TEX2: variants seen among roughly 807,000 people sequenced by gnomAD.
TEX2 encodes the protein testis-expressed protein 2.
In TEX2, 53 loss-of-function variants were observed where a neutral mutation model predicts 106.9. The observed-to-expected ratio is 0.50, with a 90% CI of 0.40 to 0.62. The LOEUF (loss-of-function observed/expected upper bound fraction) is 0.62, where lower values mean the gene tolerates loss of function less well. Among genes scored for constraint, TEX2 ranks in the 20% least tolerant of loss-of-function variants. The pLI, the probability that TEX2 is intolerant of heterozygous loss-of-function variation, is 0.00. For synonymous variants in TEX2, 523 were observed against 534.8 expected, an observed-to-expected ratio of 0.98 and a Z score of 0.30; for missense variants, 1,207 against 1,379.0, an observed-to-expected ratio of 0.88 and a Z score of 1.98.
intron 1 of TEX2, among the ~76,000 whole-genome samples, chr17:64,255,425 T>C (rs1297317263): frequency 6.6e-6 from 1 of 152,212 alleles, no homozygotes; most frequent in Non-Finnish European, 1.5e-5. Context: ...AAGACACATT[T>C]ATACTGTGAC....
intron 8 of TEX2, chr17:64,156,266 G>A (rs1421557785): frequency 6.6e-6 from 1 of 152,328 alleles, no homozygotes; most frequent in Non-Finnish European, 1.5e-5. Flanking sequence ...CTGGAAACAG[G>A]AGCCGGCTGT....
intron 7 of TEX2, among the ~76,000 whole-genome samples, chr17:64,166,287 C>T (rs2331547): frequency 0.72 from 108,913 of 152,212 alleles, 39,067 homozygotes; most frequent in East Asian, 0.82. Flanking sequence ...CCAAACGAGG[C>T]GGGCAGGACT....
intron 6 of TEX2, among the ~76,000 whole-genome samples, chr17:64,172,170 C>T (rs1192570201): frequency 6.6e-6 from 1 of 151,698 alleles, no homozygotes. Context: ...CTGGCTAACA[C>T]GGTGAAACCC....
At chr17:64,261,407 T>C (rs1555638533) in intron 1 of TEX2, among the ~76,000 whole-genome samples, 1 of 152,198 alleles carries the variant, frequency 6.6e-6, no homozygotes, top group African/African-American at 2.4e-5. Flanking sequence ...CATTCTAACA[T>C]AACCTCTAAT....
At chr17:64,221,665 C>T (rs1555633322) in intron 1 of TEX2, among the ~76,000 whole-genome samples, 1 of 152,168 alleles carries the variant, frequency 6.6e-6, no homozygotes, top group African/African-American at 2.4e-5. Flanking sequence ...TATAATCCTC[C>T]AATCCCACTT....
Position 64,148,999 on chromosome 17 carries a change from G to A in TEX2, c.3354C>T (p.Asp1118=). 4 of 1,614,232 alleles carry A rather than the reference G, an allele frequency of 2.5e-6. No individual in the cohort carries two copies. The highest frequency in any genetic ancestry group is 3.4e-6 in the Non-Finnish European group (4 of 1,180,042). The change falls in exon 12 of 12, where the codon GAC becomes GAT. Residue 1118 remains aspartate, a synonymous_variant. Coordinates refer to ENST00000584379, the MANE Select transcript of TEX2 (RefSeq NM_001288732.2). The stretch of plus-strand genomic sequence containing the variant: ...GCTGATCAGCAGCCTCCACAGGTGG[G>A]TCTTTCAGGAGGCAGGAAGTAGAGC... ...DPRSTSCLLK[D]PPVEAADQP
At chr17:64,214,944 A>C (rs918860700) in intron 1 of TEX2, among the ~76,000 whole-genome samples, 1 of 152,234 alleles carries the variant, frequency 6.6e-6, no homozygotes, top group African/African-American at 2.4e-5. Flanking sequence ...TAAAGCAAAC[A>C]TATTTTAAAC....
At chr17:64,256,391 C>T (rs1555637722) in intron 1 of TEX2, among the ~76,000 whole-genome samples, 1 of 152,184 alleles carries the variant, frequency 6.6e-6, no homozygotes, top group African/African-American at 2.4e-5. Flanking sequence ...CAAGCTTCTG[C>T]TCTCCCTGCT....
intron 1 of TEX2, among the ~76,000 whole-genome samples, chr17:64,256,244 C>T (rs1473721225): frequency 1.3e-5 from 2 of 152,190 alleles, no homozygotes; most frequent in Non-Finnish European, 2.9e-5. Flanking sequence ...GTCAGCAAAC[C>T]CTACCCACAG....
chr17:64,187,975 T>A (rs372497321), intron 5 of TEX2, among the ~76,000 whole-genome samples, 193 bp downstream of exon 5: 4 of 152,242 alleles, frequency 2.6e-5, no homozygotes, highest in Non-Finnish European at 2.9e-5. Flanking sequence ...TTATTTTCAT[T>A]CTTCCCACCA....
chr17:64,171,314 TTATGTAACGAAAACGTA>T, intron 6 of TEX2, 115 bp from the exon 7 acceptor site: 1 of 794,626 alleles, frequency 1.3e-6, no homozygotes, highest in South Asian at 1.5e-5. Context: ...GACATATCAT[TTATGTAACGAAAACGTA>T]ATGTGCACAC....
intron 1 of TEX2, among the ~76,000 whole-genome samples, chr17:64,233,835 C>A (rs1028075590): frequency 6.6e-6 from 1 of 152,214 alleles, no homozygotes; most frequent in Non-Finnish European, 1.5e-5. Context: ...AAATGGGCAG[C>A]TGCTTCCATA....
intron 1 of TEX2, among the ~76,000 whole-genome samples, chr17:64,240,436 C>G (rs1163454480): frequency 1.3e-5 from 2 of 151,990 alleles, no homozygotes. Flanking sequence ...GGTGGAGTTA[C>G]GAAGAGGAGG....
intron 8 of TEX2, among the ~76,000 whole-genome samples, chr17:64,159,075 C>T (rs899378499): frequency 2.6e-5 from 4 of 152,176 alleles, no homozygotes; most frequent in Non-Finnish European, 4.4e-5. Context: ...ACCCTCTGAT[C>T]GGCCAGAGTT....
intron 1 of TEX2, among the ~76,000 whole-genome samples, chr17:64,262,714 G>A (rs552440840): frequency 1.1e-4 from 16 of 152,342 alleles, no homozygotes; most frequent in Non-Finnish European, 2.2e-4. Context: ...AAAACCACCG[G>A]GGCGCATACA....
At chr17:64,240,483 C>T (rs1489868076) in intron 1 of TEX2, among the ~76,000 whole-genome samples, 1 of 152,088 alleles carries the variant, frequency 6.6e-6, no homozygotes, top group African/African-American at 2.4e-5. Flanking sequence ...GTCAGACAGG[C>T]GCCTGGTGCA....
chr17:64,186,503 A>G (rs2032080983), intron 5 of TEX2, among the ~76,000 whole-genome samples: 1 of 152,172 alleles, frequency 6.6e-6, no homozygotes, highest in African/African-American at 2.4e-5. Context: ...TAAGAACAGA[A>G]ATACACATGG....
chr17:64,228,673 G>C (rs951800176), intron 1 of TEX2, among the ~76,000 whole-genome samples: 5 of 152,136 alleles, frequency 3.3e-5, no homozygotes, highest in Non-Finnish European at 7.4e-5. Context: ...TCACCTCCTG[G>C]TGTGCAGCCT....
At chr17:64,204,713 C>T (rs1598176209) in intron 2 of TEX2, among the ~76,000 whole-genome samples, 1 of 152,308 alleles carries the variant, frequency 6.6e-6, no homozygotes, top group East Asian at 1.9e-4. Context: ...CTTTGGAGTA[C>T]AGCAAACCTC....
Sources: allele counts gnomAD v4.1 joint callset (sites outside exome capture counted in the v4.1 genomes callset), GRCh38; gene constraint gnomAD v4.1.1; transcripts MANE v1.5; gene names NCBI Gene and HGNC (gene_info 2026-07-23, HGNC 2026-07-21).